The following DST variants were observed in gnomAD, a reference collection of about 807,000 sequenced individuals.
DST encodes the protein dystonin, also known as bullous pemphigoid antigen.
A neutral mutation model predicts 875.2 loss-of-function variants in DST; 253 were observed. The ratio of observed to expected loss-of-function variants is 0.29; its 90% confidence interval spans 0.26 to 0.32. The LOEUF (loss-of-function observed/expected upper bound fraction) is 0.32. Ranked by LOEUF, DST falls within the 10% of genes least tolerant of loss-of-function variation. The pLI is 1.00. For synonymous variants in DST, 3,124 were observed against 3,197.1 expected, an observed-to-expected ratio of 0.98 and a Z score of 0.77; for missense variants, 8,287 against 9,111.6, an observed-to-expected ratio of 0.91 and a Z score of 3.68.
chr6:56,571,411 T>C (rs1299997059), intron 53 of DST, among the ~76,000 whole-genome samples: 1 of 152,184 alleles, frequency 6.6e-6, no homozygotes, highest in Non-Finnish European at 1.5e-5. Context: ...AAGGCAGCAC[T>C]CAAACATTTT....
Position 56,592,265 on chromosome 6 carries a change from A to G in DST, c.12820T>C (p.Cys4274Arg), listed in dbSNP as rs368855376. The change falls in exon 49 of 104, where the codon TGT (cysteine) becomes CGT (arginine). Residue 4274 changes from cysteine (C) to arginine (R), a missense_variant. Transcript: ENST00000680361. ...AAGTGTTTGCTCGCTGTGGCCTCACAGGCCTGGAGTCCAGCAAGAAGTCCA... is the reference window on the plus strand; with the variant it reads ...AAGTGTTTGCTCGCTGTGGCCTCACGGGCCTGGAGTCCAGCAAGAAGTCCA... ...SCGLLAGLQA[C>R]EATASKHLSE... The G allele has an allele frequency of 7.4e-6, 12 of 1,612,934 alleles. No homozygotes were observed. Among genetic ancestry groups the G allele is most frequent in the Non-Finnish European group, 1.0e-5 (12 of 1,179,416 alleles).
intron 4 of DST, among the ~76,000 whole-genome samples, chr6:56,749,089 G>A (rs541884159): frequency 6.6e-5 from 10 of 152,178 alleles, no homozygotes; most frequent in South Asian, 6.2e-4. Context: ...AGCTTGGGCC[G>A]GGCGCAGTGG....
chr6:56,908,332 G>A (rs955891601), intron 2 of DST, among the ~76,000 whole-genome samples: 2 of 152,092 alleles, frequency 1.3e-5, no homozygotes, highest in African/African-American at 4.8e-5. Context: ...GAGATGAAGA[G>A]GGCAGTCAAC....
chr6:56,585,372 G>T lies in DST; in HGVS notation c.12904-6435C>A, dbSNP rs1293940870. ...ATCCATTTCTTCTAGATTTTCTAGT[G>T]TATTTGCGTAGAGGTGTTTGTAGTA... is the stretch of plus-strand genomic sequence containing the variant. On this transcript the variant is annotated intron_variant, in intron 49 of 103. Transcript: ENST00000680361. 1.8e-4 allele frequency among the ~76,000 whole-genome samples: 27 copies of T among 151,962 alleles called. No homozygotes were observed. In the South Asian group the frequency reaches 1.9e-3, roughly 11 times the overall value.
Position 56,572,133 on chromosome 6 carries a change from T to G in DST, c.13688A>C (p.Lys4563Thr). The G allele has an allele frequency of 6.6e-7, 1 of 1,519,998 alleles. No individual in the cohort carries two copies. The highest frequency in any genetic ancestry group is 8.8e-7 in the Non-Finnish European group (1 of 1,134,820). The allele number at this position is 1,519,998 out of a possible 1,614,324, so 94.2% of individuals were successfully genotyped here. ...GATGGTATCCTCCATTTCCTTGAAT[T>G]TCTTTGACAAATTATTTGTTTTTTC... The part of the protein sequence containing the change: ...VLEKTNNLSK[K>T]FKEMEDTIKE... The change falls in exon 53 of 104, where the codon AAA (lysine) becomes ACA (threonine). Residue 4563 changes from lysine to threonine, a missense_variant. Physicochemically the swap from Lys to Thr is moderately conservative, Grantham distance 78. Transcript: ENST00000680361.
At chr6:56,747,558 G>C (rs1018862492) in intron 4 of DST, among the ~76,000 whole-genome samples, 1 of 152,146 alleles carries the variant, frequency 6.6e-6, no homozygotes, top group Non-Finnish European at 1.5e-5. Context: ...TAACATTTAA[G>C]TATTATATAT....
rs9370534 is a variant in DST, at chr6:56,472,751, G to T, written c.21995-529C>A. Among the ~76,000 whole-genome samples, 479 of 152,062 alleles carry T rather than the reference G, an allele frequency of 3.2e-3. 3 individuals are homozygous for T. The highest frequency in any genetic ancestry group is 0.011 in the African/African-American group (464 of 41,458). On this transcript the variant is annotated intron_variant, in intron 93 of 103. Coordinates refer to ENST00000680361, the MANE Select transcript of DST (RefSeq NM_001374736.1). ...GCATGTGTATGGGACCCCAGCCTTC[G>T]CCCACATCCATTTTCCACTGAGATT...
At chr6:56,506,369 G>T in intron 77 of DST, 74 bp downstream of exon 77, 2 of 1,207,244 alleles carry the variant, frequency 1.7e-6, no homozygotes, top group Non-Finnish European at 2.3e-6. Flanking sequence ...TTGAGGTGGT[G>T]CCAATATGTA....
At chr6:56,558,209 A>G (rs1219385668) in intron 58 of DST, among the ~76,000 whole-genome samples, 1 of 151,888 alleles carries the variant, frequency 6.6e-6, no homozygotes, top group African/African-American at 2.4e-5. Context: ...CAATGCCATA[A>G]CTCCATTTTG....
chr6:56,821,019 C>A (rs1349147038), intron 4 of DST, among the ~76,000 whole-genome samples: 1 of 152,154 alleles, frequency 6.6e-6, no homozygotes, highest in Non-Finnish European at 1.5e-5. Context: ...TAAAATAACA[C>A]GGCTAATCTG....
Position 56,613,861 on chromosome 6 carries a change from TC to T in DST, c.5058+494del, listed in dbSNP as rs1158040582. On this transcript the variant is annotated intron_variant, in intron 37 of 103. Coordinates refer to ENST00000680361, the MANE Select transcript of DST (RefSeq NM_001374736.1). ...TTTCCAGTGATTGACTGTAGACACT[TC>T]CTTATGAGATAGAAAAGACCCAGAA... Among the ~76,000 whole-genome samples, 12 of 152,300 alleles carry T rather than the reference TC, an allele frequency of 7.9e-5. No homozygotes were observed. The East Asian group carries it at 2.3e-3, about 29-fold the overall frequency.
At chr6:56,946,785 C>T (rs529276689) in intron 2 of DST, among the ~76,000 whole-genome samples, 1 of 152,158 alleles carries the variant, frequency 6.6e-6, no homozygotes, top group Admixed American at 6.5e-5. Context: ...CTGAGGATTT[C>T]ATAGGAGGGT....
chr6:56,729,333 G>A (rs1233204605), intron 5 of DST, among the ~76,000 whole-genome samples: 2 of 152,204 alleles, frequency 1.3e-5, no homozygotes, highest in Non-Finnish European at 2.9e-5. Flanking sequence ...GCTCACGCCT[G>A]TAATCCCAGC....
intron 89 of DST, 26 bp downstream of exon 89, chr6:56,482,657 C>T (rs2095439839): frequency 1.3e-6 from 2 of 1,597,022 alleles, no homozygotes; most frequent in East Asian, 2.3e-5. Flanking sequence ...CCCATTACAC[C>T]CAGCTCTCAT....
intron 10 of DST, among the ~76,000 whole-genome samples, chr6:56,661,581 ACT>A (rs1236093103): frequency 3.4e-5 from 5 of 144,952 alleles, no homozygotes; most frequent in African/African-American, 1.3e-4. Context: ...AGACAGCCCC[ACT>A]CTAACAGTTT....
At chr6:56,782,834 C>A (rs912250374) in intron 4 of DST, among the ~76,000 whole-genome samples, 4 of 152,070 alleles carry the variant, frequency 2.6e-5, no homozygotes, top group African/African-American at 9.7e-5. Context: ...AATTTTGGAT[C>A]TTTCCTGCTT....
At chr6:56,917,547 G>T (rs1801825080) in intron 2 of DST, among the ~76,000 whole-genome samples, 1 of 152,220 alleles carries the variant, frequency 6.6e-6, no homozygotes, top group Non-Finnish European at 1.5e-5. Flanking sequence ...ACTGAATCCA[G>T]ATCAGTAGCT....
Position 56,476,330 on chromosome 6 carries a change from G to A in DST, c.21683C>T (p.Ala7228Val), listed in dbSNP as rs1257306599. ...IIRARFEEVL[A>V]WAKQHQQRLA... is the part of the protein sequence containing the mutation. ...TCTCTGCTGATGTTGCTTTGCCCAG[G>A]CCAGCACCTGTCAGAGAAACAGAAA... Residue 7228 changes from alanine to valine, a missense_variant, in exon 92 of 104, where the codon GCC becomes GTC. By Grantham distance (64) the Ala-to-Val change is moderately conservative. Around this residue, in one of 10 missense-constraint regions of DST, gnomAD observed 1,292 missense variants for 1,552.7 expected, o/e 0.83. Transcript: ENST00000680361. 5 of 1,572,964 alleles carry A rather than the reference G, an allele frequency of 3.2e-6. No homozygotes were observed. The East Asian group carries it at 9.1e-5, about 29-fold the overall frequency.
At position 56,526,659 on chromosome 6, in the gene DST, T is replaced by C. The variant is rs2096802788; in HGVS notation, c.17923-92A>G. 9 of 1,168,342 alleles carry C rather than the reference T, an allele frequency of 7.7e-6. No homozygotes were observed. In the South Asian group the frequency reaches 1.3e-4, roughly 17 times the overall value. 72.4% of individuals were successfully genotyped at this position (1,168,342 alleles called of 1,614,324 possible). ...GGAGCTCAAGTCCTTTGCAGGCGAA[T>C]AATGTGATGCTTTGCCCCACTCCCC... is the stretch of plus-strand genomic sequence containing the variant. On this transcript the variant is annotated intron_variant, in intron 68 of 103. Transcript: ENST00000680361.
Sources: allele counts gnomAD v4.1 joint callset (sites outside exome capture counted in the v4.1 genomes callset), GRCh38; gene constraint gnomAD v4.1.1; regional missense constraint gnomAD v4.1.1; transcripts MANE v1.5; gene names NCBI Gene and HGNC (gene_info 2026-07-23, HGNC 2026-07-21).